CAMSAP2: variants seen among roughly 807,000 people sequenced by gnomAD.
The protein encoded by CAMSAP2 is calmodulin regulated spectrin associated protein family member 2, also known as calmodulin-regulated spectrin-associated protein 2.
CAMSAP2 carries 26 observed loss-of-function variants against 146.1 expected under a neutral mutation model. That is an observed-to-expected ratio of 0.18 (90% CI 0.13 to 0.25). The LOEUF is 0.25. Ranked by LOEUF, CAMSAP2 falls within the 10% of genes least tolerant of loss-of-function variation. The probability of loss-of-function intolerance (pLI) is 1.00; values close to 1 mark genes in which losing one functional copy is unlikely to be tolerated. For missense variants in CAMSAP2, 1,381 were observed against 1,759.3 expected, an observed-to-expected ratio of 0.78 and a Z score of 3.85; for synonymous variants, 499 against 596.6, an observed-to-expected ratio of 0.84 and a Z score of 2.38.
At chr1:200,788,386 A>G (rs182471661) in intron 2 of CAMSAP2, among the ~76,000 whole-genome samples, 3 of 152,306 alleles carry the variant, frequency 2.0e-5, no homozygotes, top group Admixed American at 2.0e-4. Context: ...CAGCTCCTAT[A>G]GGTATATACC....
Position 200,832,278 on chromosome 1 carries a change from A to G in CAMSAP2, c.724A>G (p.Thr242Ala), listed in dbSNP as rs199860850. 7.7e-5 allele frequency: 125 copies of G among 1,613,616 alleles called. No homozygotes were observed. Among genetic ancestry groups the G allele is most frequent in the Middle Eastern group, 1.6e-4 (1 of 6,078 alleles). ...GGTAGAAAATTTGTTGAAGGATGGG[A>G]CAGATGGCTGTGCATTAGCTGCCCT... ...PLVENLLKDG[T>A]DGCALAALIH... The change falls in exon 5 of 17, where the codon ACA becomes GCA. Residue 242 changes from threonine to alanine, a missense_variant. Physicochemically the swap from Thr to Ala is moderately conservative, Grantham distance 58 (BLOSUM62 0). Around this residue, in one of 4 missense-constraint regions of CAMSAP2, gnomAD observed 284 missense variants for 406.9 expected, o/e 0.70. Coordinates refer to ENST00000358823, the MANE Select transcript of CAMSAP2 (RefSeq NM_203459.4). This position sits in a 1 kb window ranked among gnomAD's most constrained non-coding sequence, Gnocchi z 4.2.
chr1:200,846,482 A>G (rs1667463102), intron 8 of CAMSAP2, among the ~76,000 whole-genome samples: 1 of 152,212 alleles, frequency 6.6e-6, no homozygotes, highest in African/African-American at 2.4e-5. Flanking sequence ...AACTCTTTTT[A>G]TAATGCAGAT....
At chr1:200,769,714 G>T (rs1207372818) in intron 2 of CAMSAP2, among the ~76,000 whole-genome samples, 3 of 152,216 alleles carry the variant, frequency 2.0e-5, no homozygotes, top group Non-Finnish European at 4.4e-5. Context: ...TTAGGGCAAG[G>T]TATGGGAGAA....
intron 6 of CAMSAP2, among the ~76,000 whole-genome samples, chr1:200,841,684 TATA>T (rs1210490573): frequency 5.9e-5 from 9 of 152,250 alleles, no homozygotes; most frequent in African/African-American, 2.2e-4. Context: ...TTAAGTTGCT[TATA>T]TTTACTTTGG....
chr1:200,814,605 A>G (rs1666428475), intron 3 of CAMSAP2, among the ~76,000 whole-genome samples: 1 of 66,200 alleles, frequency 1.5e-5, no homozygotes, highest in South Asian at 8.7e-4. Flanking sequence ...GTGAGATTGC[A>G]TCCCAAAAAA....
At chr1:200,838,857 A>G (rs186858731) in intron 6 of CAMSAP2, among the ~76,000 whole-genome samples, 1 of 152,348 alleles carries the variant, frequency 6.6e-6, no homozygotes, top group Non-Finnish European at 1.5e-5. Context: ...AATTCCAGAA[A>G]TATTTAGGAT....
chr1:200,804,420 G>A (rs1328304961), intron 2 of CAMSAP2, among the ~76,000 whole-genome samples: 1 of 151,898 alleles, frequency 6.6e-6, no homozygotes, highest in Admixed American at 6.6e-5. Flanking sequence ...TCTTTCTGTT[G>A]TATAATATTA....
intron 4 of CAMSAP2, among the ~76,000 whole-genome samples, chr1:200,823,691 AGT>A (rs1389978729): frequency 6.6e-6 from 1 of 152,152 alleles, no homozygotes; most frequent in African/African-American, 2.4e-5. Flanking sequence ...TGGTTAAGGT[AGT>A]GTTTGTCAGG....
intron 2 of CAMSAP2, among the ~76,000 whole-genome samples, chr1:200,773,552 C>T (rs1004047430): frequency 2.0e-5 from 3 of 152,094 alleles, no homozygotes; most frequent in Admixed American, 6.6e-5. Context: ...CTACCATGTC[C>T]GGCCTCATCT....
At chr1:200,842,713 C>T (rs573958235) in intron 7 of CAMSAP2, among the ~76,000 whole-genome samples, 1 of 152,042 alleles carries the variant, frequency 6.6e-6, no homozygotes, top group Non-Finnish European at 1.5e-5. Flanking sequence ...CGGTGGCTCA[C>T]GCCTGTAATC....
In CAMSAP2 at chr1:200,857,697, G is replaced by A; in HGVS notation, c.4132-57G>A. On this transcript the variant is annotated intron_variant, in intron 16 of 16. Transcript: ENST00000358823. This position sits in a 1 kb window ranked among gnomAD's most constrained non-coding sequence, Gnocchi z 4.7. ...AACATAATTATATAAACTTTATTCA[G>A]CAAAATAAAGGGTTTTTATTCGTGT... 1 of 1,380,046 alleles carries A rather than the reference G, an allele frequency of 7.2e-7. No homozygotes were observed. Among genetic ancestry groups the A allele is most frequent in the Admixed American group, 2.4e-5 (1 of 42,158 alleles). The allele number at this position is 1,380,046 out of a possible 1,614,324, so 85.5% of individuals were successfully genotyped here.
chr1:200,844,628 T>C (rs1050220995), intron 7 of CAMSAP2, among the ~76,000 whole-genome samples, 154 bp from the exon 8 acceptor site: 3 of 152,168 alleles, frequency 2.0e-5, no homozygotes, highest in Non-Finnish European at 4.4e-5. Context: ...CTTGACCCTT[T>C]GAAAATTATT....
chr1:200,829,378 C>T (rs372416573), intron 4 of CAMSAP2, among the ~76,000 whole-genome samples: 2 of 151,728 alleles, frequency 1.3e-5, no homozygotes, highest in South Asian at 4.2e-4. Flanking sequence ...ACATATTGAA[C>T]CCCCATCTCT....
At position 200,849,173 on chromosome 1, in the gene CAMSAP2, C is replaced by G. The variant is rs139123420; in HGVS notation, c.2404C>G (p.Arg802Gly). ...KKKGDGISPLREEAAGAEDEK... is the reference protein window; with the variant it reads ...KKKGDGISPLGEEAAGAEDEK... ...GAAAGGGGATGGGATATCTCCTCTA[C>G]GAGAGGAAGCGGCGGGTGCAGAAGA... Residue 802 changes from arginine (R) to glycine (G), a missense_variant, in exon 11 of 17, where the codon CGA (arginine) becomes GGA (glycine). Around this residue, in one of 4 missense-constraint regions of CAMSAP2, gnomAD observed 560 missense variants for 715.9 expected, o/e 0.78. Coordinates refer to ENST00000358823, the MANE Select transcript of CAMSAP2 (RefSeq NM_203459.4). This position sits in a 1 kb window ranked among gnomAD's most constrained non-coding sequence, Gnocchi z 6.3. The G allele has an allele frequency of 7.4e-6, 12 of 1,613,834 alleles. No individual in the cohort carries two copies. The East Asian group carries it at 2.7e-4, about 36-fold the overall frequency.
chr1:200,757,365 T>C (rs890733426), intron 1 of CAMSAP2, among the ~76,000 whole-genome samples: 8 of 152,232 alleles, frequency 5.3e-5, no homozygotes, highest in Non-Finnish European at 1.2e-4. Context: ...GATGTTACTT[T>C]CAAAACTTAG....
chr1:200,761,858 C>T (rs895483411), intron 2 of CAMSAP2, among the ~76,000 whole-genome samples: 4 of 152,154 alleles, frequency 2.6e-5, no homozygotes. Context: ...ACACAGAAGG[C>T]CTCTAAGCTG....
intron 4 of CAMSAP2, among the ~76,000 whole-genome samples, chr1:200,818,593 A>T (rs1666668706): frequency 1.3e-5 from 2 of 152,076 alleles, no homozygotes; most frequent in Non-Finnish European, 2.9e-5. Flanking sequence ...TTAATTTAAC[A>T]TAATCTTACT....
At chr1:200,844,196 A>G (rs1315979780) in intron 7 of CAMSAP2, among the ~76,000 whole-genome samples, 2 of 151,758 alleles carry the variant, frequency 1.3e-5, no homozygotes, top group Non-Finnish European at 2.9e-5. Context: ...AAATACATGT[A>G]TTTATTTTAT....
intron 4 of CAMSAP2, among the ~76,000 whole-genome samples, chr1:200,830,115 T>G (rs560824571): frequency 6.6e-6 from 1 of 152,346 alleles, no homozygotes; most frequent in African/African-American, 2.4e-5. Context: ...CATGTTCAAG[T>G]ACAAAAGACT....
Sources: gnomAD v4.1 joint callset for allele counts (sites outside exome capture counted in the v4.1 genomes callset) on GRCh38, gnomAD v4.1.1 for gene constraint, gnomAD v4.1.1 regional missense constraint, Gnocchi (gnomAD v3.1) non-coding constraint, MANE v1.5 for transcripts, NCBI Gene and HGNC (gene_info 2026-07-23, HGNC 2026-07-21) for gene names.